RAD51B: variants seen among roughly 807,000 people sequenced by gnomAD.
RAD51B encodes the protein RAD51 paralog B, also known as DNA repair protein RAD51 homolog 2.
In RAD51B, 38 loss-of-function variants were observed where a neutral mutation model predicts 42.2. That is an observed-to-expected ratio of 0.90 (90% CI 0.70 to 1.18). RAD51B has a LOEUF of 1.18. Ranked by LOEUF, RAD51B falls within the 50% of genes most tolerant of loss-of-function variation. The pLI, the probability that RAD51B is intolerant of heterozygous loss-of-function variation, is 0.00. For missense variants in RAD51B, 373 were observed against 400.7 expected, an observed-to-expected ratio of 0.93 and a Z score of 0.59; for synonymous variants, 154 against 145.2, an observed-to-expected ratio of 1.06 and a Z score of -0.43.
chr14:68,542,191 A>G (rs890111062), intron 10 of RAD51B, among the ~76,000 whole-genome samples: 1 of 152,170 alleles, frequency 6.6e-6, no homozygotes, highest in Non-Finnish European at 1.5e-5. Context: ...AGTTCCATTT[A>G]TATCATTTGA....
intron 7 of RAD51B, among the ~76,000 whole-genome samples, chr14:67,951,595 G>A (rs541110951): frequency 5.4e-4 from 82 of 152,226 alleles, no homozygotes; most frequent in Non-Finnish European, 8.2e-4. Flanking sequence ...ATGATCCCAA[G>A]AGTCACAAGA....
intron 8 of RAD51B, among the ~76,000 whole-genome samples, chr14:68,388,099 T>C (rs1284111885): frequency 1.4e-5 from 2 of 146,022 alleles, no homozygotes; most frequent in Admixed American, 1.3e-4. Flanking sequence ...TATATATTTT[T>C]TTTTTTTTTT....
At chr14:67,825,425 C>T (rs751107251) in intron 2 of RAD51B, 39 bp from the exon 3 acceptor site, 1 of 1,409,598 alleles carries the variant, frequency 7.1e-7, no homozygotes, top group East Asian at 2.3e-5. Context: ...ATCTTTGTTA[C>T]ACATATATGT....
chr14:68,006,119 A>T (rs1426587780), intron 7 of RAD51B, among the ~76,000 whole-genome samples: 1 of 152,198 alleles, frequency 6.6e-6, no homozygotes, highest in Non-Finnish European at 1.5e-5. Flanking sequence ...CCCACCTCCA[A>T]CATTGGGGAT....
chr14:67,828,344 T>G (rs1262211565), intron 3 of RAD51B, among the ~76,000 whole-genome samples: 2 of 149,644 alleles, frequency 1.3e-5, no homozygotes, highest in Admixed American at 6.7e-5. Context: ...GGTTGTTTGG[T>G]TTTTTTTTTC....
At chr14:68,624,233 T>A (rs1254723106) in intron 10 of RAD51B, among the ~76,000 whole-genome samples, 1 of 152,136 alleles carries the variant, frequency 6.6e-6, no homozygotes. Context: ...AGGGCTGTGG[T>A]CCCCTTTGCC....
intron 7 of RAD51B, among the ~76,000 whole-genome samples, chr14:68,002,673 A>C (rs2075508026): frequency 6.6e-6 from 1 of 152,180 alleles, no homozygotes; most frequent in Admixed American, 6.5e-5. Flanking sequence ...TTTACATTTA[A>C]GTCTTTAATT....
intron 8 of RAD51B, among the ~76,000 whole-genome samples, chr14:68,341,421 C>G (rs1262978100): frequency 6.6e-6 from 1 of 152,040 alleles, no homozygotes; most frequent in Non-Finnish European, 1.5e-5. Context: ...TTTCTTAGGT[C>G]AAAGACATGG....
chr14:68,419,558 T>G (rs1238390761), intron 9 of RAD51B, among the ~76,000 whole-genome samples: 1 of 152,212 alleles, frequency 6.6e-6, no homozygotes, highest in East Asian at 1.9e-4. Context: ...ACAGTGAGCA[T>G]GAACTCCCCA....
chr14:68,037,248 T>C (rs926978071), intron 7 of RAD51B, among the ~76,000 whole-genome samples: 6 of 141,578 alleles, frequency 4.2e-5, no homozygotes, highest in African/African-American at 1.6e-4. Flanking sequence ...TTCCTTTCTT[T>C]GTCTTGCTCT....
chr14:68,047,762 GAGT>G (rs747124551), intron 7 of RAD51B, among the ~76,000 whole-genome samples: 1 of 152,196 alleles, frequency 6.6e-6, no homozygotes, highest in Non-Finnish European at 1.5e-5. Context: ...GTCTACAAAT[GAGT>G]CTACTGCTTT....
intron 11 of RAD51B, among the ~76,000 whole-genome samples, chr14:68,680,065 G>A (rs909533306): frequency 1.3e-5 from 2 of 152,088 alleles, no homozygotes; most frequent in Non-Finnish European, 1.5e-5. Context: ...TCAGGTAATC[G>A]TTTTCAAAAA....
At chr14:68,187,827 T>G (rs1233799716) in intron 7 of RAD51B, among the ~76,000 whole-genome samples, 1 of 152,202 alleles carries the variant, frequency 6.6e-6, no homozygotes, top group Admixed American at 6.5e-5. Flanking sequence ...TTTTTCTTTG[T>G]TTTTTGAGGT....
chr14:68,587,106 T>A (rs1275474178), intron 10 of RAD51B, among the ~76,000 whole-genome samples: 1 of 151,970 alleles, frequency 6.6e-6, no homozygotes, highest in African/African-American at 2.4e-5. Context: ...TATATGTCAG[T>A]GTTCCAGCAC....
intron 7 of RAD51B, among the ~76,000 whole-genome samples, chr14:68,214,818 C>T (rs2079780989): frequency 1.3e-5 from 2 of 152,158 alleles, no homozygotes; most frequent in African/African-American, 2.4e-5. Context: ...AATTTGTAAG[C>T]CTCTTTATTG....
intron 8 of RAD51B, among the ~76,000 whole-genome samples, chr14:68,352,483 G>A (rs2082810791): frequency 6.6e-6 from 1 of 152,244 alleles, no homozygotes; most frequent in Non-Finnish European, 1.5e-5. Flanking sequence ...TGGTTGTTTG[G>A]ATTGTAGAAG....
intron 7 of RAD51B, among the ~76,000 whole-genome samples, chr14:68,048,569 T>C (rs994229743): frequency 6.6e-6 from 1 of 152,180 alleles, no homozygotes; most frequent in Non-Finnish European, 1.5e-5. Flanking sequence ...GTTTTTATGG[T>C]TTTAGGTCTA....
At chr14:68,555,583 C>A (rs1888801103) in intron 10 of RAD51B, among the ~76,000 whole-genome samples, 4 of 152,202 alleles carry the variant, frequency 2.6e-5, no homozygotes. Flanking sequence ...TTGGGGACAG[C>A]AGGGCGGGTG....
intron 7 of RAD51B, among the ~76,000 whole-genome samples, chr14:68,042,799 A>G (rs2076238258): frequency 6.6e-6 from 1 of 152,272 alleles, no homozygotes; most frequent in Non-Finnish European, 1.5e-5. Flanking sequence ...GCCAAAGAGC[A>G]TGTTAAGCAG....
Sources: allele counts gnomAD v4.1 joint callset (sites outside exome capture counted in the v4.1 genomes callset), GRCh38; gene constraint gnomAD v4.1.1; transcripts MANE v1.5; gene names NCBI Gene and HGNC (gene_info 2026-07-23, HGNC 2026-07-21).